Variants in BRDT observed in about 807,000 individuals in gnomAD.
BRDT encodes bromodomain testis associated, also known as bromodomain testis-specific protein.
A neutral mutation model predicts 113.9 loss-of-function variants in BRDT; 77 were observed. The ratio of observed to expected loss-of-function variants is 0.68; its 90% CI spans 0.56 to 0.82. The LOEUF (loss-of-function observed/expected upper bound fraction) is 0.82. Ranked by LOEUF, BRDT falls within the 40% of genes least tolerant of loss-of-function variation. The probability of loss-of-function intolerance (pLI) is 0.00; values close to 1 mark genes in which losing one functional copy is unlikely to be tolerated. For synonymous variants in BRDT, 358 were observed against 366.5 expected (o/e 0.98, Z 0.26); for missense variants, 1,027 against 1,105.4 (o/e 0.93, Z 1.01).
At chr1:91,969,701 A>G (rs138178838) in intron 4 of BRDT, among the ~76,000 whole-genome samples, 237 of 152,026 alleles carry the variant, frequency 1.6e-3, no homozygotes, top group African/African-American at 5.3e-3. Context: ...AAAATTATTG[A>G]TCTTTTTATT....
chr1:91,950,696 T>TTA (rs1680958397), intron 1 of BRDT: 1 of 145,064 alleles, frequency 6.9e-6, no homozygotes, highest in South Asian at 2.3e-4. Context: ...TTTTTTTTTT[T>TTA]TTTTTTTTTT....
At chr1:91,952,407 G>A (rs1462978193) in intron 1 of BRDT, 1 of 152,210 alleles carries the variant, frequency 6.6e-6, no homozygotes, top group East Asian at 1.9e-4. Flanking sequence ...TTCCTCTGCA[G>A]TCTGGCAGGT....
At chr1:92,008,447 C>T (rs992105765) in intron 18 of BRDT, among the ~76,000 whole-genome samples, 3 of 151,956 alleles carry the variant, frequency 2.0e-5, no homozygotes, top group Admixed American at 6.6e-5. Flanking sequence ...TTCCTACGTG[C>T]CATACCCCTC....
chr1:91,953,819 G>C (rs922855612), intron 1 of BRDT, among the ~76,000 whole-genome samples: 8 of 152,216 alleles, frequency 5.3e-5, no homozygotes, highest in African/African-American at 1.9e-4. Context: ...AAAGTGAACT[G>C]AACTTTTCAT....
At chr1:91,985,302 C>T (rs1264261755) in intron 12 of BRDT, among the ~76,000 whole-genome samples, 1 of 151,976 alleles carries the variant, frequency 6.6e-6, no homozygotes, top group Non-Finnish European at 1.5e-5. Flanking sequence ...CCTGGTGATC[C>T]GCCCTCCTCG....
At chr1:91,992,973 A>G (rs1451554149) in intron 14 of BRDT, among the ~76,000 whole-genome samples, 1 of 152,178 alleles carries the variant, frequency 6.6e-6, no homozygotes, top group Non-Finnish European at 1.5e-5. Flanking sequence ...GTAGAATGCC[A>G]CCTTTTTAAT....
At chr1:92,010,598 A>T (rs1687711517) in intron 18 of BRDT, among the ~76,000 whole-genome samples, 1 of 151,702 alleles carries the variant, frequency 6.6e-6, no homozygotes, top group East Asian at 1.9e-4. Context: ...TGTTCTTTTA[A>T]TTTTTTTAAA....
chr1:91,980,230 G>A (rs1684580646), intron 8 of BRDT, among the ~76,000 whole-genome samples: 1 of 152,072 alleles, frequency 6.6e-6, no homozygotes, highest in South Asian at 2.1e-4. Flanking sequence ...AACATAGTGA[G>A]ACCATGTCTC....
At chr1:91,993,201 C>G (rs1222740559) in intron 14 of BRDT, among the ~76,000 whole-genome samples, 7 of 152,142 alleles carry the variant, frequency 4.6e-5, no homozygotes. Flanking sequence ...ATTCCTATAG[C>G]ATTTGTTTTA....
At chr1:91,951,299 T>C (rs1681050315) in intron 1 of BRDT, among the ~76,000 whole-genome samples, 1 of 152,160 alleles carries the variant, frequency 6.6e-6, no homozygotes, top group Non-Finnish European at 1.5e-5. Context: ...AGCAACACCA[T>C]TGCATAATTT....
At chr1:91,957,325 C>G (rs533744526) in intron 1 of BRDT, among the ~76,000 whole-genome samples, 15 of 152,200 alleles carry the variant, frequency 9.9e-5, no homozygotes, top group African/African-American at 3.4e-4. Context: ...AACCCTGTCT[C>G]TACTAAAAAT....
chr1:91,985,638 C>CTTTTTTTT (rs57330647), intron 12 of BRDT, among the ~76,000 whole-genome samples: 2 of 108,610 alleles, frequency 1.8e-5, no homozygotes, highest in Non-Finnish European at 3.4e-5. Context: ...ATTAGTTTTG[C>CTTTTTTTT]TTTTTTTTTT....
chr1:91,973,081 A>T (rs1683781369), intron 4 of BRDT, among the ~76,000 whole-genome samples: 1 of 152,196 alleles, frequency 6.6e-6, no homozygotes, highest in East Asian at 1.9e-4. Context: ...TGTTGGAATG[A>T]GGCATAAGGA....
At chr1:91,979,828 G>T in intron 8 of BRDT, 71 bp downstream of exon 8, 1 of 1,438,840 alleles carries the variant, frequency 7.0e-7, no homozygotes, top group Non-Finnish European at 9.4e-7. Flanking sequence ...TTTTTCTGCA[G>T]ATTTAAAGCT....
intron 12 of BRDT, among the ~76,000 whole-genome samples, chr1:91,989,478 A>G (rs1170047206): frequency 6.6e-6 from 1 of 152,082 alleles, no homozygotes; most frequent in African/African-American, 2.4e-5. Flanking sequence ...CTCCCGCCTC[A>G]GCCTCCCAAA....
intron 5 of BRDT, 79 bp from the exon 6 acceptor site, chr1:91,976,964 T>C: frequency 8.6e-7 from 1 of 1,164,320 alleles, no homozygotes; most frequent in South Asian, 1.9e-5. Context: ...TCTTTCCCTT[T>C]TTTTCTTTTA....
intron 3 of BRDT, among the ~76,000 whole-genome samples, chr1:91,966,847 G>T (rs1334240238): frequency 6.6e-6 from 1 of 152,272 alleles, no homozygotes; most frequent in South Asian, 2.1e-4. Flanking sequence ...AAGGCGGGTG[G>T]ATCACAAGGT....
intron 4 of BRDT, among the ~76,000 whole-genome samples, chr1:91,971,376 A>T (rs1683614872): frequency 1.3e-5 from 2 of 152,214 alleles, no homozygotes; most frequent in South Asian, 4.1e-4. Context: ...GACCTCAAAG[A>T]ATAGGTAGGA....
intron 4 of BRDT, among the ~76,000 whole-genome samples, chr1:91,975,025 C>T (rs571827253): frequency 3.9e-5 from 6 of 152,144 alleles, no homozygotes; most frequent in East Asian, 1.9e-4. Flanking sequence ...AGCAAACTAT[C>T]GCAAGACAGA....
Sources: gnomAD v4.1 joint callset for allele counts (sites outside exome capture counted in the v4.1 genomes callset) on GRCh38, gnomAD v4.1.1 for gene constraint, MANE v1.5 for transcripts, NCBI Gene and HGNC (gene_info 2026-07-23, HGNC 2026-07-21) for gene names.